CACNA2D3: variants seen among roughly 807,000 people sequenced by gnomAD.
CACNA2D3 encodes calcium voltage-gated channel auxiliary subunit alpha2delta 3, also known as voltage-dependent calcium channel subunit alpha-2/delta-3.
CACNA2D3 carries 60 observed loss-of-function variants against 160.6 expected under a neutral mutation model. That is an observed-to-expected ratio of 0.37 (90% confidence interval 0.30 to 0.46). CACNA2D3 has a LOEUF of 0.46. Ranked by LOEUF, CACNA2D3 falls within the 20% of genes least tolerant of loss-of-function variation. The pLI is 1.00. For synonymous variants in CACNA2D3, 558 were observed against 492.9 expected (o/e 1.13, Z -1.75); for missense variants, 1,205 against 1,365.0 (o/e 0.88, Z 1.85).
intron 27 of CACNA2D3, among the ~76,000 whole-genome samples, chr3:54,942,429 A>G (rs544004378): frequency 2.0e-5 from 3 of 152,348 alleles, no homozygotes; most frequent in South Asian, 2.1e-4. Flanking sequence ...AAATAAGCGA[A>G]GAGGGAAATA....
chr3:54,630,571 T>G lies in CACNA2D3; in HGVS notation c.1053+2695T>G, dbSNP rs190007546. On this transcript the variant is annotated intron_variant, in intron 10 of 37. Coordinates refer to ENST00000474759, the MANE Select transcript of CACNA2D3 (RefSeq NM_018398.3). ...AGTGAACAAACCTTTAAAAATGTGT[T>G]TAACCACACTTACTAACCCAGGAAC... 5.3e-4 allele frequency among the ~76,000 whole-genome samples: 81 copies of G among 152,306 alleles called. 2 individuals carry two copies. The East Asian group carries it at 0.015, about 28-fold the overall frequency.
At position 54,933,901 on chromosome 3, in the gene CACNA2D3, T is replaced by A. The variant is rs577470511; in HGVS notation, c.2449+34033T>A. Among the ~76,000 whole-genome samples, 246 of 152,158 alleles carry A rather than the reference T, an allele frequency of 1.6e-3. 2 individuals carry two copies. In the Middle Eastern group the frequency reaches 0.017, roughly 11 times the overall value. Reference sequence around the variant, plus strand: ...CTCCTGCCTCAGCCTCCGGAGTAGCTGGGATTACAGGCACACACCACCATG... The same window carrying A: ...CTCCTGCCTCAGCCTCCGGAGTAGCAGGGATTACAGGCACACACCACCATG... On this transcript the variant is annotated intron_variant, in intron 27 of 37. Coordinates refer to ENST00000474759, the MANE Select transcript of CACNA2D3 (RefSeq NM_018398.3).
At chr3:54,221,323 G>A (rs1002120972) in intron 2 of CACNA2D3, among the ~76,000 whole-genome samples, 3 of 152,164 alleles carry the variant, frequency 2.0e-5, no homozygotes, top group African/African-American at 7.2e-5. Context: ...CAATTATTTA[G>A]TTTCCATTTG....
intron 3 of CACNA2D3, 46 bp downstream of exon 3, chr3:54,320,604 G>T (rs761153412): frequency 1.0e-6 from 1 of 995,608 alleles, no homozygotes; most frequent in East Asian, 2.8e-5. Context: ...AGGCACAAAG[G>T]CAGCTTCAGG....
chr3:54,928,255 C>T (rs1575383090), intron 27 of CACNA2D3, among the ~76,000 whole-genome samples: 1 of 152,182 alleles, frequency 6.6e-6, no homozygotes, highest in Non-Finnish European at 1.5e-5. Flanking sequence ...CCTTGGTGAA[C>T]AGCTGTAGCA....
chr3:54,969,978 AT>A (rs1488469363), intron 29 of CACNA2D3, 134 bp downstream of exon 29: 2 of 605,084 alleles, frequency 3.3e-6, no homozygotes, highest in Middle Eastern at 4.2e-4. Context: ...AAAAAAAAAA[AT>A]CATTTGCTTT....
chr3:54,688,777 C>T (rs189432026), intron 11 of CACNA2D3, among the ~76,000 whole-genome samples: 5 of 150,534 alleles, frequency 3.3e-5, no homozygotes, highest in South Asian at 2.1e-4. Flanking sequence ...CCAAGGTGGG[C>T]GGATCTCAAG....
intron 23 of CACNA2D3, among the ~76,000 whole-genome samples, chr3:54,887,661 G>A (rs1014574757): frequency 6.6e-6 from 1 of 152,120 alleles, no homozygotes; most frequent in Non-Finnish European, 1.5e-5. Context: ...CTGGGACTCA[G>A]CCTGCTGGTC....
intron 21 of CACNA2D3, among the ~76,000 whole-genome samples, chr3:54,884,027 G>A (rs1038963767): frequency 5.9e-5 from 9 of 152,090 alleles, no homozygotes; most frequent in African/African-American, 2.2e-4. Context: ...TATTCTCAGG[G>A]CCTAGAATCA....
At chr3:54,833,306 G>T (rs956646778) in intron 14 of CACNA2D3, among the ~76,000 whole-genome samples, 6 of 152,304 alleles carry the variant, frequency 3.9e-5, no homozygotes, top group African/African-American at 1.4e-4. Context: ...TAATTGCATA[G>T]CAGTTCATTT....
At chr3:54,405,423 T>C (rs1449331811) in intron 4 of CACNA2D3, among the ~76,000 whole-genome samples, 1 of 152,002 alleles carries the variant, frequency 6.6e-6, no homozygotes, top group African/African-American at 2.4e-5. Context: ...TCCAAACATA[T>C]GTGGTCAACT....
intron 35 of CACNA2D3, among the ~76,000 whole-genome samples, chr3:55,058,689 C>G (rs1428588813): frequency 6.6e-6 from 1 of 151,604 alleles, no homozygotes; most frequent in African/African-American, 2.4e-5. Flanking sequence ...AATGTGATTC[C>G]TATTCATTGC....
intron 17 of CACNA2D3, among the ~76,000 whole-genome samples, chr3:54,867,522 C>A (rs1699429566): frequency 3.0e-5 from 2 of 67,198 alleles, no homozygotes; most frequent in African/African-American, 6.8e-5. Flanking sequence ...AGATCTAAGC[C>A]AGCTTTAAAA....
intron 17 of CACNA2D3, among the ~76,000 whole-genome samples, chr3:54,859,972 GCACACACACACACA>G (rs1553891454): frequency 1.1e-4 from 15 of 133,884 alleles, no homozygotes; most frequent in East Asian, 2.2e-4. Flanking sequence ...GAAAGTAGAT[GCACACACACACACA>G]CACACACACA....
At chr3:54,656,169 A>G (rs916024000) in intron 11 of CACNA2D3, among the ~76,000 whole-genome samples, 2 of 152,350 alleles carry the variant, frequency 1.3e-5, no homozygotes, top group South Asian at 2.1e-4. Context: ...CTGTGCTGCT[A>G]TGAACACAGA....
chr3:54,476,142 G>C (rs62254185), intron 4 of CACNA2D3, among the ~76,000 whole-genome samples: 2 of 146,646 alleles, frequency 1.4e-5, no homozygotes, highest in Non-Finnish European at 3.0e-5. Flanking sequence ...ATGTCCTCCT[G>C]GTTCGTCCGT....
chr3:54,177,162 C>T (rs2107318597), intron 2 of CACNA2D3, among the ~76,000 whole-genome samples: 1 of 152,258 alleles, frequency 6.6e-6, no homozygotes, highest in South Asian at 2.1e-4. Context: ...AGCATGAGTC[C>T]CTTCCTACAA....
At chr3:54,852,534 A>G (rs1699081257) in intron 17 of CACNA2D3, among the ~76,000 whole-genome samples, 3 of 152,178 alleles carry the variant, frequency 2.0e-5, no homozygotes, top group African/African-American at 7.2e-5. Flanking sequence ...CCAGCTCTCC[A>G]CAGCCTGGGT....
At chr3:54,158,880 A>T (rs561608076) in intron 2 of CACNA2D3, among the ~76,000 whole-genome samples, 1 of 152,352 alleles carries the variant, frequency 6.6e-6, no homozygotes, top group East Asian at 1.9e-4. Context: ...ACCTCTGTGC[A>T]CATGAAATCG....
Sources: gnomAD v4.1 joint callset for allele counts (sites outside exome capture counted in the v4.1 genomes callset) on GRCh38, gnomAD v4.1.1 for gene constraint, MANE v1.5 for transcripts, NCBI Gene and HGNC (gene_info 2026-07-23, HGNC 2026-07-21) for gene names.